Variants in RBFOX3 observed in about 807,000 individuals in gnomAD.
RBFOX3 encodes RNA binding protein fox-1 homolog 3.
In RBFOX3, 17 loss-of-function variants were observed where a neutral mutation model predicts 48.7. The ratio of observed to expected loss-of-function variants is 0.35; its 90% CI spans 0.24 to 0.52. RBFOX3 has a LOEUF of 0.52. Ranked by LOEUF, RBFOX3 falls within the 20% of genes least tolerant of loss-of-function variation. The probability of loss-of-function intolerance (pLI) is 0.94; values close to 1 mark genes in which losing one functional copy is unlikely to be tolerated. For missense variants in RBFOX3, 382 were observed against 497.5 expected, an observed-to-expected ratio of 0.77 and a Z score of 2.21; for synonymous variants, 212 against 209.5, an observed-to-expected ratio of 1.01 and a Z score of -0.10.
intron 4 of RBFOX3, among the ~76,000 whole-genome samples, chr17:79,143,259 GCC>G (rs1250936425): frequency 1.3e-5 from 2 of 151,528 alleles, no homozygotes; most frequent in African/African-American, 2.4e-5. Flanking sequence ...CCCGTTCTCT[GCC>G]CACCCTGCCT....
At chr17:79,433,256 C>T (rs902766489) in intron 2 of RBFOX3, among the ~76,000 whole-genome samples, 3 of 152,176 alleles carry the variant, frequency 2.0e-5, no homozygotes, top group Non-Finnish European at 2.9e-5. Flanking sequence ...GGTCTCTGGG[C>T]CAGGGCTCCC....
At chr17:79,261,788 C>T (rs1359317665) in intron 3 of RBFOX3, among the ~76,000 whole-genome samples, 2 of 152,200 alleles carry the variant, frequency 1.3e-5, no homozygotes, top group African/African-American at 4.8e-5. Flanking sequence ...CCCCACGCTT[C>T]CCCTGTTCAC....
Position 79,477,290 on chromosome 17 carries a change from C to T in RBFOX3, c.-175+5164G>A, listed in dbSNP as rs1315573723. 2.1e-5 allele frequency among the ~76,000 whole-genome samples: 3 copies of T among 144,320 alleles called. No individual in the cohort carries two copies. The highest frequency in any genetic ancestry group is 4.5e-5 in the Non-Finnish European group (3 of 66,548). The allele number at this position is 144,320 out of a possible 152,430, so 94.7% of individuals were successfully genotyped here. A position where few individuals can be genotyped will look rare whatever the true frequency, so the allele number is the denominator to read the frequency against. On this transcript the variant is annotated intron_variant, in intron 2 of 14. Coordinates refer to ENST00000693108, the MANE Select transcript of RBFOX3 (RefSeq NM_001350451.2). The surrounding 1 kb of genome is among the most constrained non-coding windows in gnomAD (Gnocchi z 4.8). The stretch of plus-strand genomic sequence containing the variant: ...AAAAAAAAAAAAGAGGGCGCGGTGG[C>T]TCACACCTGTAATCCCAGCACTTTG...
Position 79,254,839 on chromosome 17 carries a change from C to T in RBFOX3, c.-73-19034G>A, listed in dbSNP as rs760618553. Among the ~76,000 whole-genome samples the T allele has an allele frequency of 1.3e-5, 2 of 152,136 alleles. No homozygotes were observed. The highest frequency in any genetic ancestry group is 4.8e-5 in the African/African-American group (2 of 41,418). ...AGTGCTGGATGGCCCAGGTTATGGC[C>T]ACTTGGCTATCACCATGGGCTGGAC... is the stretch of plus-strand genomic sequence containing the variant. On this transcript the variant is annotated intron_variant, in intron 3 of 14. Coordinates refer to ENST00000693108, the MANE Select transcript of RBFOX3 (RefSeq NM_001350451.2). This position sits in a 1 kb window ranked among gnomAD's most constrained non-coding sequence, Gnocchi z 4.8.
At chr17:79,169,496 C>G (rs1363213339) in intron 4 of RBFOX3, among the ~76,000 whole-genome samples, 3 of 152,204 alleles carry the variant, frequency 2.0e-5, no homozygotes, top group Non-Finnish European at 4.4e-5. Flanking sequence ...GGACCCAGGA[C>G]CCAGGACCCC....
At position 79,255,463 on chromosome 17, in the gene RBFOX3, C is replaced by G. The variant is rs561406459; in HGVS notation, c.-73-19658G>C. Among the ~76,000 whole-genome samples, 6 of 152,244 alleles carry G rather than the reference C, an allele frequency of 3.9e-5. No homozygotes were observed. The East Asian group carries it at 1.2e-3, about 29-fold the overall frequency. ...CATTCTCCACCCCAGAGCCCTGGCC[C>G]CCCATCTGTGCTCAGGAACAAGGCT... is the stretch of plus-strand genomic sequence containing the variant. On this transcript the variant is annotated intron_variant, in intron 3 of 14. Coordinates refer to ENST00000693108, the MANE Select transcript of RBFOX3 (RefSeq NM_001350451.2).
At chr17:79,193,398 G>A (rs1262647511) in intron 4 of RBFOX3, among the ~76,000 whole-genome samples, 2 of 152,132 alleles carry the variant, frequency 1.3e-5, no homozygotes, top group African/African-American at 4.8e-5. Flanking sequence ...CCATATATTA[G>A]GAAGAAATGT....
upstream of RBFOX3, among the ~76,000 whole-genome samples, chr17:79,613,467 A>T (rs1244175142): frequency 6.6e-6 from 1 of 152,206 alleles, no homozygotes; most frequent in Non-Finnish European, 1.5e-5. Flanking sequence ...GAGATTTTCC[A>T]TTTGGGGACG....
chr17:79,294,512 A>ATTTTT, intron 3 of RBFOX3, among the ~76,000 whole-genome samples: 1 of 152,096 alleles, frequency 6.6e-6, no homozygotes, highest in East Asian at 1.9e-4. Flanking sequence ...GGGTTTCACC[A>ATTTTT]TTTTGGCCAG....
chr17:79,399,300 C>T (rs758974519), intron 2 of RBFOX3, among the ~76,000 whole-genome samples: 4 of 152,214 alleles, frequency 2.6e-5, no homozygotes, highest in Admixed American at 6.5e-5. Flanking sequence ...CCCCGCTTCA[C>T]AAATGAGGAA....
At chr17:79,520,121 T>C (rs2085850476) in intron 1 of RBFOX3, among the ~76,000 whole-genome samples, 1 of 152,120 alleles carries the variant, frequency 6.6e-6, no homozygotes. Context: ...GTCATGCAGC[T>C]CCATGGGTGA....
At chr17:79,200,065 A>G (rs2056486173) in intron 4 of RBFOX3, among the ~76,000 whole-genome samples, 1 of 148,002 alleles carries the variant, frequency 6.8e-6, no homozygotes, top group African/African-American at 2.5e-5. Flanking sequence ...TGGGAGGCTG[A>G]GGCAGGAGAA....
chr17:79,241,158 T>C (rs2062309724), intron 3 of RBFOX3, among the ~76,000 whole-genome samples: 1 of 150,530 alleles, frequency 6.6e-6, no homozygotes, highest in African/African-American at 2.5e-5. Flanking sequence ...TAGCTATCTA[T>C]CTGTCTATCT....
At chr17:79,334,375 C>A (rs2080869279) in intron 2 of RBFOX3, among the ~76,000 whole-genome samples, 1 of 152,200 alleles carries the variant, frequency 6.6e-6, no homozygotes. Context: ...ACTCCTCATG[C>A]TCCGTAGGTT....
chr17:79,475,445 C>T (rs958686740), intron 2 of RBFOX3, among the ~76,000 whole-genome samples: 17 of 152,208 alleles, frequency 1.1e-4, no homozygotes, highest in East Asian at 9.7e-4. Context: ...AGTCATAGTG[C>T]CTGGGTTCAT....
At chr17:79,592,782 G>A (rs1468071293) in intron 1 of RBFOX3, among the ~76,000 whole-genome samples, 1 of 152,196 alleles carries the variant, frequency 6.6e-6, no homozygotes, top group Non-Finnish European at 1.5e-5. Flanking sequence ...GCGGCATGGG[G>A]CCCTTGACAG....
Position 79,421,014 on chromosome 17 carries a change from C to T in RBFOX3, c.-175+61440G>A, listed in dbSNP as rs932107358. On this transcript the variant is annotated intron_variant, in intron 2 of 14. Coordinates refer to ENST00000693108, the MANE Select transcript of RBFOX3 (RefSeq NM_001350451.2). This position sits in a 1 kb window ranked among gnomAD's most constrained non-coding sequence, Gnocchi z 4.5. ...CCAGGGGCTTCCCTGCTGAGTGAGC[C>T]TCCCCTGGTGGGTTGAGGGGCTTCC... 2.0e-5 allele frequency among the ~76,000 whole-genome samples: 3 copies of T among 151,976 alleles called. No individual in the cohort carries two copies. The highest frequency in any genetic ancestry group is 2.9e-5 in the Non-Finnish European group (2 of 67,936).
chr17:79,310,127 AC>A (rs2076645672), intron 2 of RBFOX3, among the ~76,000 whole-genome samples: 1 of 152,032 alleles, frequency 6.6e-6, no homozygotes. Flanking sequence ...ATGCACAGCT[AC>A]CCCGGACGCG....
In RBFOX3 at chr17:79,090,502, T is replaced by C. The variant is rs955827698; in HGVS notation, c.*381A>G. ...TCCGCCGCCGCTGGGCTCCACACTG[T>C]CTGTCTTGGGAGTTGGGGGCTGGGA... On this transcript the variant is annotated 3_prime_UTR_variant, in exon 15 of 15. Coordinates refer to ENST00000693108, the MANE Select transcript of RBFOX3 (RefSeq NM_001350451.2). The C allele has an allele frequency of 1.7e-5, 4 of 236,460 alleles. No individual in the cohort carries two copies. Among genetic ancestry groups the C allele is most frequent in the Non-Finnish European group, 3.3e-5 (4 of 122,042 alleles). 14.6% of individuals were successfully genotyped at this position (236,460 alleles called of 1,614,324 possible).
Sources: gnomAD v4.1 joint callset for allele counts (sites outside exome capture counted in the v4.1 genomes callset) on GRCh38, gnomAD v4.1.1 for gene constraint, Gnocchi (gnomAD v3.1) non-coding constraint, MANE v1.5 for transcripts, NCBI Gene and HGNC (gene_info 2026-07-23, HGNC 2026-07-21) for gene names.